Variants in PINX1 observed in about 807,000 individuals in gnomAD.
PINX1 encodes PIN2/TERF1-interacting telomerase inhibitor 1.
In PINX1, 34 loss-of-function variants were observed where a neutral mutation model predicts 25.4. The ratio of observed to expected loss-of-function variants is 1.34; its 90% CI spans 1.02 to 1.78. The LOEUF (loss-of-function observed/expected upper bound fraction) is 1.78, where lower values mean the gene tolerates loss of function less well. Among genes scored for constraint, PINX1 ranks in the 40% most tolerant of loss-of-function variants. The probability of loss-of-function intolerance (pLI) is 0.00; values close to 1 mark genes in which losing one functional copy is unlikely to be tolerated. For missense variants in PINX1, 592 were observed against 404.9 expected (o/e 1.46, Z -3.97); for synonymous variants, 197 against 147.7 (o/e 1.33, Z -2.42).
chr8:10,775,287 C>A (rs1400383054), intron 6 of PINX1, among the ~76,000 whole-genome samples: 4 of 152,178 alleles, frequency 2.6e-5, no homozygotes, highest in East Asian at 3.8e-4. Flanking sequence ...GCAAGACCTG[C>A]CTCGCTGGCA....
At chr8:10,770,779 G>C (rs990759499) in intron 6 of PINX1, among the ~76,000 whole-genome samples, 1 of 152,190 alleles carries the variant, frequency 6.6e-6, no homozygotes, top group African/African-American at 2.4e-5. Flanking sequence ...TGATCAACAT[G>C]CCAGTCCAGG....
intron 6 of PINX1, among the ~76,000 whole-genome samples, chr8:10,789,661 G>A (rs1214426616): frequency 6.6e-6 from 1 of 152,178 alleles, no homozygotes. Flanking sequence ...AGGCCCAGTG[G>A]CAGAGCCAAA....
At chr8:10,819,707 C>G (rs1052487474) in intron 6 of PINX1, among the ~76,000 whole-genome samples, 1 of 152,136 alleles carries the variant, frequency 6.6e-6, no homozygotes, top group Non-Finnish European at 1.5e-5. Context: ...GAGGAAATAC[C>G]CATCAAACCC....
intron 6 of PINX1, among the ~76,000 whole-genome samples, chr8:10,768,096 C>T (rs569560638): frequency 1.5e-5 from 2 of 136,586 alleles, no homozygotes; most frequent in African/African-American, 5.5e-5. Context: ...GCTCGGTGAC[C>T]AGACACCCTC....
chr8:10,817,350 G>C (rs1005460213), intron 6 of PINX1, among the ~76,000 whole-genome samples: 5 of 152,220 alleles, frequency 3.3e-5, no homozygotes, highest in Non-Finnish European at 5.9e-5. Flanking sequence ...GGAGCCGAAA[G>C]AGGTTGTATT....
chr8:10,814,007 G>A (rs1797616774), intron 6 of PINX1, among the ~76,000 whole-genome samples: 1 of 152,124 alleles, frequency 6.6e-6, no homozygotes, highest in Admixed American at 6.5e-5. Context: ...CCAAGTGAGA[G>A]AAGACACACG....
intron 6 of PINX1, among the ~76,000 whole-genome samples, chr8:10,779,512 T>G (rs557607077): frequency 6.6e-6 from 1 of 152,156 alleles, no homozygotes; most frequent in African/African-American, 2.4e-5. Context: ...CAAAAAGAAC[T>G]GCCACACACC....
At chr8:10,782,153 G>A (rs1027025148) in intron 6 of PINX1, among the ~76,000 whole-genome samples, 1 of 152,304 alleles carries the variant, frequency 6.6e-6, no homozygotes, top group African/African-American at 2.4e-5. Context: ...AAGATAAAAT[G>A]TGGTTACTGG....
intron 6 of PINX1, among the ~76,000 whole-genome samples, chr8:10,805,448 G>C (rs1051327966): frequency 2.0e-5 from 3 of 151,838 alleles, no homozygotes; most frequent in Admixed American, 2.0e-4. Context: ...AGCCATACTA[G>C]TGCTGAGTGG....
chr8:10,813,571 G>A (rs990301633), intron 6 of PINX1, among the ~76,000 whole-genome samples: 2 of 152,090 alleles, frequency 1.3e-5, no homozygotes, highest in Non-Finnish European at 2.9e-5. Flanking sequence ...AGACGAGAAA[G>A]GAACACAAAC....
intron 6 of PINX1, among the ~76,000 whole-genome samples, chr8:10,819,707 C>A (rs1052487474): frequency 1.3e-5 from 2 of 152,136 alleles, no homozygotes; most frequent in African/African-American, 4.8e-5. Flanking sequence ...GAGGAAATAC[C>A]CATCAAACCC....
intron 6 of PINX1, among the ~76,000 whole-genome samples, chr8:10,804,264 C>T (rs1802364437): frequency 6.6e-6 from 1 of 152,212 alleles, no homozygotes; most frequent in Admixed American, 6.5e-5. Context: ...CAGTGACTCT[C>T]ATCACCAGAG....
intron 4 of PINX1, among the ~76,000 whole-genome samples, chr8:10,826,870 T>A (rs1325075844): frequency 6.6e-6 from 1 of 152,224 alleles, no homozygotes; most frequent in African/African-American, 2.4e-5. Context: ...AATACAAAGA[T>A]GAGGCATGAG....
chr8:10,835,425 A>C (rs1798374789), intron 1 of PINX1, among the ~76,000 whole-genome samples: 2 of 152,196 alleles, frequency 1.3e-5, no homozygotes, highest in South Asian at 2.1e-4. Flanking sequence ...TTATATTCTT[A>C]ATTCACAACA....
In PINX1 at chr8:10,820,181, G is replaced by C. The variant is rs767429561; in HGVS notation, c.471+12C>G. On this transcript the variant is annotated intron_variant, in intron 6 of 6. Transcript: ENST00000314787. ...TTAAAGCGGAACACGGAAACTGTAC[G>C]TGGCTTTATACCTCGGGAGTCTTCT... 6.4e-7 allele frequency: 1 copy of C among 1,558,260 alleles called. No homozygotes were observed. Among genetic ancestry groups the C allele is most frequent in the Admixed American group, 1.7e-5 (1 of 59,900 alleles).
chr8:10,769,688 G>A (rs530388618), intron 6 of PINX1, among the ~76,000 whole-genome samples: 30 of 152,292 alleles, frequency 2.0e-4, no homozygotes, highest in African/African-American at 7.2e-4. Context: ...ACATCACACA[G>A]GCAGAGAGTG....
In PINX1 at chr8:10,765,288, C is replaced by G. The variant is rs1008068598; in HGVS notation, c.*113G>C. On this transcript the variant is annotated 3_prime_UTR_variant, in exon 7 of 7. Coordinates refer to ENST00000314787, the MANE Select transcript of PINX1 (RefSeq NM_017884.6). ...GACTCGGCAGCCCATGGGCATGCCACAAGATGCGCCCAGGCGCTCTGGGGT... is the reference window on the plus strand; with the variant it reads ...GACTCGGCAGCCCATGGGCATGCCAGAAGATGCGCCCAGGCGCTCTGGGGT... 9.7e-7 allele frequency: 1 copy of G among 1,034,456 alleles called. No individual in the cohort carries two copies. 64.1% of individuals were successfully genotyped at this position (1,034,456 alleles called of 1,614,324 possible).
chr8:10,807,264 G>C (rs1357401019), intron 6 of PINX1, among the ~76,000 whole-genome samples: 1 of 149,238 alleles, frequency 6.7e-6, no homozygotes, highest in African/African-American at 2.5e-5. Context: ...TTAAAAATAT[G>C]ACAGCAAAAC....
intron 6 of PINX1, among the ~76,000 whole-genome samples, chr8:10,781,025 G>C (rs527499190): frequency 6.6e-6 from 1 of 152,114 alleles, no homozygotes; most frequent in Non-Finnish European, 1.5e-5. Flanking sequence ...AATGGAACAG[G>C]TTAGAGAACT....
Sources: allele counts gnomAD v4.1 joint callset (sites outside exome capture counted in the v4.1 genomes callset), GRCh38; gene constraint gnomAD v4.1.1; transcripts MANE v1.5; gene names NCBI Gene and HGNC (gene_info 2026-07-23, HGNC 2026-07-21).